GPC3: variants seen among roughly 807,000 people sequenced by gnomAD.
The protein encoded by GPC3 is glypican 3.
Under a neutral mutation model 34.4 loss-of-function variants are expected in GPC3, and 3 were observed. The ratio of observed to expected loss-of-function variants is 0.09; its 90% CI spans 0.04 to 0.23. The LOEUF is 0.23. Among genes scored for constraint, GPC3 ranks in the 10% least tolerant of loss-of-function variants. GPC3 has a pLI of 1.00. For synonymous variants in GPC3, 177 were observed against 174.0 expected (o/e 1.02, Z -0.13); for missense variants, 351 against 445.6 (o/e 0.79, Z 1.91).
rs146491370 is a variant in GPC3, at chrX:133,805,411, G to A, written c.338-51235C>T. On this transcript the variant is annotated intron_variant, in intron 2 of 7. Transcript: ENST00000370818. ...GGAGCAGGGGCAGCCTAGGACTGGG[G>A]GACAGTGGAATATGAGGTCAAGTTC... 3.5e-3 allele frequency among the ~76,000 whole-genome samples: 389 copies of A among 111,783 alleles called. 2 individuals are homozygous for A. Among genetic ancestry groups the A allele is most frequent in the African/African-American group, 0.012 (362 of 30,754 alleles).
At chrX:133,905,416 G>T (rs1407583945) in intron 2 of GPC3, among the ~76,000 whole-genome samples, 1 of 112,276 alleles carries the variant, frequency 8.9e-6, no homozygotes, top group Middle Eastern at 4.2e-3. Context: ...ATTAACATTT[G>T]CCAGAGCAGT....
intron 2 of GPC3, among the ~76,000 whole-genome samples, chrX:133,754,788 T>G (rs763673110): frequency 8.9e-6 from 1 of 112,280 alleles, no homozygotes; most frequent in South Asian, 3.7e-4. Context: ...CCAATGCATT[T>G]GTATCTGGGT....
intron 3 of GPC3, among the ~76,000 whole-genome samples, chrX:133,739,453 G>A (rs1460777028): frequency 3.6e-5 from 4 of 111,822 alleles, no homozygotes; most frequent in African/African-American, 1.3e-4. Flanking sequence ...GTAGTTCTGC[G>A]AGGTTGGTAT....
At chrX:133,656,388 G>A (rs960488022) in intron 6 of GPC3, among the ~76,000 whole-genome samples, 9 of 112,212 alleles carry the variant, frequency 8.0e-5, no homozygotes, top group African/African-American at 2.9e-4. Context: ...AATGAAATCA[G>A]TAGCTCTGGA....
chrX:133,817,449 T>C (rs1238939747), intron 2 of GPC3, among the ~76,000 whole-genome samples: 2 of 110,658 alleles, frequency 1.8e-5, no homozygotes, highest in Non-Finnish European at 3.8e-5. Flanking sequence ...TGAAGCAAGA[T>C]GTATATATCT....
intron 6 of GPC3, among the ~76,000 whole-genome samples, chrX:133,642,662 C>A (rs2070492011): frequency 1.9e-5 from 2 of 108,028 alleles, no homozygotes; most frequent in Non-Finnish European, 3.8e-5. Context: ...ATCCCAGCTA[C>A]TCGGGAGGCT....
In GPC3 at chrX:133,740,143, G is replaced by A. The variant is rs189748438; in HGVS notation, c.1032+13339C>T. On this transcript the variant is annotated intron_variant, in intron 3 of 7. Coordinates refer to ENST00000370818, the MANE Select transcript of GPC3 (RefSeq NM_004484.4). ...TTTTCGGTCAATGCTAACCAGAACC[G>A]AGACAATTCTGAATGGGGCCTTTCA... is the stretch of plus-strand genomic sequence containing the variant. Among the ~76,000 whole-genome samples, 750 of 112,025 alleles carry A rather than the reference G, an allele frequency of 6.7e-3. 1 individual carries two copies. Among genetic ancestry groups the A allele is most frequent in the Middle Eastern group, 0.047 (10 of 214 alleles).
chrX:133,865,732 C>A (rs1424614565), intron 2 of GPC3, among the ~76,000 whole-genome samples: 1 of 112,063 alleles, frequency 8.9e-6, no homozygotes, highest in Non-Finnish European at 1.9e-5. Context: ...AGCCCACATC[C>A]AATTAATGCA....
At position 133,754,168 on chromosome X, in the gene GPC3, CA is replaced by C; in HGVS notation, c.345del (p.Phe115LeufsTer23). On this transcript the variant is annotated frameshift_variant, in exon 3 of 8. Transcript: ENST00000370818. LOFTEE classifies it high-confidence loss of function. ...IQNAAVFQEA[F>X]EIVVRHAKNY... ...TTCTTGGCATGGCGAACAACAATTT[CA>C]AAGGCCTCTGTAAAAAAAAAAAAAA... The C allele has an allele frequency of 9.6e-7, 1 of 1,039,410 alleles. No individual in the cohort carries two copies. The allele number at this position is 1,039,410 out of a possible 1,213,427, so 85.7% of individuals were successfully genotyped here.
chrX:133,716,187 AG>A (rs759968516), intron 3 of GPC3, among the ~76,000 whole-genome samples: 1 of 112,214 alleles, frequency 8.9e-6, no homozygotes, highest in East Asian at 2.8e-4. Context: ...GCCTGAGGAT[AG>A]GGGAGAATCT....
chrX:133,711,257 T>A (rs5975420), intron 3 of GPC3, among the ~76,000 whole-genome samples: 4,222 of 112,298 alleles, frequency 0.038, 196 homozygotes, highest in African/African-American at 0.13. Context: ...CAAACTTTAA[T>A]GTGTATACAA....
intron 5 of GPC3, among the ~76,000 whole-genome samples, chrX:133,674,042 T>C (rs1041473125): frequency 3.6e-5 from 4 of 110,257 alleles, no homozygotes; most frequent in African/African-American, 1.3e-4. Flanking sequence ...CTGGGCAACA[T>C]AGGGAGACCT....
intron 6 of GPC3, among the ~76,000 whole-genome samples, chrX:133,608,799 G>C (rs773010237): frequency 2.7e-5 from 3 of 111,525 alleles, no homozygotes; most frequent in Non-Finnish European, 5.7e-5. Context: ...ATAGGTTTTC[G>C]GTGAGAGCAG....
chrX:133,742,523 G>GT (rs779897901), intron 3 of GPC3, among the ~76,000 whole-genome samples: 17 of 111,631 alleles, frequency 1.5e-4, no homozygotes, highest in Admixed American at 1.2e-3. Context: ...CACAGCATAG[G>GT]TTTGAGTTTG....
In GPC3 at chrX:133,692,456, T is replaced by C. The variant is rs1173924969; in HGVS notation, c.1205A>G (p.Tyr402Cys). 8.3e-7 allele frequency: 1 copy of C among 1,205,368 alleles called. No homozygotes were observed. ...GCAGATGTAGCCAGGCAAAGCACTA[T>C]AGAAGCTGATGAAAGACTTCAACTT... ...IQKLKSFISF[Y>C]SALPGYICSH... is the part of the protein sequence containing the mutation. The change falls in exon 5 of 8, where the codon TAT becomes TGT. Residue 402 changes from tyrosine (Y) to cysteine (C), a missense_variant. Coordinates refer to ENST00000370818, the MANE Select transcript of GPC3 (RefSeq NM_004484.4).
At chrX:133,984,500 A>T (rs887511731) in intron 1 of GPC3, among the ~76,000 whole-genome samples, 1 of 111,864 alleles carries the variant, frequency 8.9e-6, no homozygotes, top group Non-Finnish European at 1.9e-5. Context: ...GCAGGCGTTC[A>T]GAAACTTTCC....
intron 3 of GPC3, among the ~76,000 whole-genome samples, chrX:133,732,295 T>C (rs1279777511): frequency 5.4e-5 from 6 of 111,293 alleles, no homozygotes. Flanking sequence ...AAAAGGGAAC[T>C]TGAATCTTAA....
At chrX:133,948,570 G>A (rs770134090) in intron 2 of GPC3, among the ~76,000 whole-genome samples, 2 of 111,260 alleles carry the variant, frequency 1.8e-5, no homozygotes, top group Admixed American at 1.9e-4. Flanking sequence ...CCATAATAGT[G>A]TGGACCAAAA....
At chrX:133,766,127 A>G (rs779334606) in intron 2 of GPC3, among the ~76,000 whole-genome samples, 2 of 111,929 alleles carry the variant, frequency 1.8e-5, no homozygotes, top group South Asian at 3.8e-4. Context: ...GATGTGTCCA[A>G]TACAAATTTC....
Sources: gnomAD v4.1 joint callset for allele counts (sites outside exome capture counted in the v4.1 genomes callset) on GRCh38, gnomAD v4.1.1 for gene constraint, MANE v1.5 for transcripts, NCBI Gene and HGNC (gene_info 2026-07-23, HGNC 2026-07-21) for gene names.